The following FOXP2 variants were observed in gnomAD, a reference collection of about 807,000 sequenced individuals.
The protein encoded by FOXP2 is forkhead box P2, also known as forkhead box protein P2.
A neutral mutation model predicts 115.8 loss-of-function variants in FOXP2; 12 were observed. That is an observed-to-expected ratio of 0.10 (90% CI 0.07 to 0.17). The LOEUF is 0.17. Ranked by LOEUF, FOXP2 falls within the 10% of genes least tolerant of loss-of-function variation. The pLI, the probability that FOXP2 is intolerant of heterozygous loss-of-function variation, is 1.00. For synonymous variants in FOXP2, 328 were observed against 297.7 expected, an observed-to-expected ratio of 1.10 and a Z score of -1.05; for missense variants, 629 against 843.5, an observed-to-expected ratio of 0.75 and a Z score of 3.15.
At position 114,594,306 on chromosome 7, in the gene FOXP2, T is replaced by C. The variant is rs1056505328; in HGVS notation, c.259-34234T>C. ...CCTGTGGGGCTAATGAGAGGTTCTA[T>C]TTAGGTGAATAATCTGCATTGGGCT... On this transcript the variant is annotated intron_variant, in intron 3 of 16. Transcript: ENST00000350908. Among the ~76,000 whole-genome samples, 3 of 152,016 alleles carry C rather than the reference T, an allele frequency of 2.0e-5. 1 individual carries two copies. Among genetic ancestry groups the C allele is most frequent in the Admixed American group, 2.0e-4 (3 of 15,218 alleles).
chr7:114,168,838 G>A (rs1054672440), intron 1 of FOXP2, among the ~76,000 whole-genome samples: 2 of 152,170 alleles, frequency 1.3e-5, no homozygotes, highest in Non-Finnish European at 2.9e-5. Flanking sequence ...CCCATGCTGG[G>A]TGTAGCCTAG....
intron 1 of FOXP2, among the ~76,000 whole-genome samples, chr7:114,131,250 T>C (rs985334132): frequency 2.0e-5 from 3 of 152,184 alleles, no homozygotes; most frequent in Non-Finnish European, 4.4e-5. Context: ...TCTAATTATC[T>C]CCATCAGTAT....
intron 16 of FOXP2, among the ~76,000 whole-genome samples, chr7:114,683,728 G>A (rs973510898): frequency 3.3e-5 from 5 of 152,154 alleles, no homozygotes; most frequent in East Asian, 1.9e-4. Flanking sequence ...GTTGAAAGGG[G>A]AAACACAGCC....
At chr7:114,285,648 C>T (rs887036403) in intron 1 of FOXP2, among the ~76,000 whole-genome samples, 3 of 152,066 alleles carry the variant, frequency 2.0e-5, no homozygotes, top group African/African-American at 7.2e-5. Context: ...CTTATCAACA[C>T]TGCGCAGAAT....
chr7:114,495,598 C>T (rs1227650081), intron 2 of FOXP2, among the ~76,000 whole-genome samples: 2 of 147,168 alleles, frequency 1.4e-5, no homozygotes, highest in Non-Finnish European at 3.0e-5. Flanking sequence ...CTCTGCCTCC[C>T]ATATTCAAGC....
chr7:114,414,988 T>C lies in FOXP2; in HGVS notation c.-383T>C. ...TTTAGAAAGATTATGGTAAGCATGC[T>C]GGCTCAGTCTTGAACCTTTGTCACC... On this transcript the variant is annotated 5_prime_UTR_variant, in exon 1 of 17. Transcript: ENST00000350908. The C allele has an allele frequency of 4.6e-6, 2 of 434,310 alleles. No individual in the cohort carries two copies. Among genetic ancestry groups the C allele is most frequent in the South Asian group, 3.3e-5 (2 of 60,560 alleles). The allele number at this position is 434,310 out of a possible 1,614,324, so 26.9% of individuals were successfully genotyped here.
intron 2 of FOXP2, among the ~76,000 whole-genome samples, chr7:114,357,074 C>CT (rs1279158416): frequency 1.3e-5 from 2 of 152,066 alleles, no homozygotes; most frequent in Non-Finnish European, 2.9e-5. Flanking sequence ...GAGTATTGCT[C>CT]TTTTTTCTCT....
intron 1 of FOXP2, among the ~76,000 whole-genome samples, chr7:114,247,295 T>C (rs1795310381): frequency 6.6e-6 from 1 of 152,208 alleles, no homozygotes; most frequent in African/African-American, 2.4e-5. Context: ...TTTACCTGAG[T>C]ATCTCATTAT....
chr7:114,486,326 T>C (rs1347332431), intron 2 of FOXP2, among the ~76,000 whole-genome samples: 1 of 152,044 alleles, frequency 6.6e-6, no homozygotes, highest in African/African-American at 2.4e-5. Context: ...ATGAGACTTA[T>C]TCACTATTAC....
chr7:114,242,700 A>G (rs1305252640), intron 1 of FOXP2, among the ~76,000 whole-genome samples: 2 of 152,210 alleles, frequency 1.3e-5, no homozygotes, highest in Non-Finnish European at 2.9e-5. Flanking sequence ...CTCTCTAGAA[A>G]GAAATATGTA....
chr7:114,626,130 G>A (rs1804566692), intron 3 of FOXP2, among the ~76,000 whole-genome samples: 2 of 151,772 alleles, frequency 1.3e-5, no homozygotes, highest in South Asian at 4.1e-4. Flanking sequence ...TTATATTTAT[G>A]TCATAACTAT....
chr7:114,532,605 A>G (rs1799192957), intron 2 of FOXP2, among the ~76,000 whole-genome samples: 1 of 151,920 alleles, frequency 6.6e-6, no homozygotes, highest in African/African-American at 2.4e-5. Context: ...AGGAGGTCAG[A>G]TTAGATGATT....
In FOXP2 at chr7:114,318,921, T is replaced by C. The variant is rs1038697925; in HGVS notation, c.-11+30812T>C. ...TAAATATTCTAGTTTAGTGTAGTTA[T>C]ATTCTATATTCCAGTAATAGGAAAA... On this transcript the variant is annotated intron_variant, in intron 2 of 17. Transcript: ENST00000634411. 2.6e-5 allele frequency among the ~76,000 whole-genome samples: 4 copies of C among 152,288 alleles called. 1 individual carries two copies. The South Asian group carries it at 8.3e-4, about 32-fold the overall frequency.
At chr7:114,381,360 T>C (rs1306030477) in intron 2 of FOXP2, among the ~76,000 whole-genome samples, 1 of 152,116 alleles carries the variant, frequency 6.6e-6, no homozygotes, top group African/African-American at 2.4e-5. Flanking sequence ...TGGCACAAGA[T>C]TTCTGAATAG....
chr7:114,533,332 A>T (rs540078596), intron 2 of FOXP2, among the ~76,000 whole-genome samples: 1 of 151,938 alleles, frequency 6.6e-6, no homozygotes, highest in South Asian at 2.1e-4. Flanking sequence ...TTCATAATTG[A>T]TCAGGGGATG....
chr7:114,400,711 A>C (rs1017246196), intron 2 of FOXP2, among the ~76,000 whole-genome samples: 2 of 152,186 alleles, frequency 1.3e-5, no homozygotes, highest in Non-Finnish European at 2.9e-5. Context: ...TAGCATGCAC[A>C]GTTCACAATA....
chr7:114,629,942 ACAGCAGCAGCAGCAGCAACAG>A lies in FOXP2; in HGVS notation c.549_569del (p.Gln185_Gln191del), dbSNP rs1563045877. On this transcript the variant is annotated inframe_deletion, in exon 5 of 17. Transcript: ENST00000350908. ...AACAACAACAACAACAGCAGCAACAACAGCAGCAGCAGCAGCAACAGCAGCAGCAGCAGCAACAGCATCCTG... is the reference window on the plus strand; with the variant it reads ...AACAACAACAACAACAGCAGCAACAACAGCAGCAGCAGCAACAGCATCCTG... The A allele has an allele frequency of 1.2e-6, 2 of 1,608,822 alleles. No homozygotes were observed. Among genetic ancestry groups the A allele is most frequent in the Admixed American group, 1.7e-5 (1 of 59,332 alleles).
chr7:114,584,295 T>A (rs1392376820), intron 3 of FOXP2, among the ~76,000 whole-genome samples: 2 of 152,222 alleles, frequency 1.3e-5, no homozygotes, highest in East Asian at 3.9e-4. Flanking sequence ...TGAATGAACT[T>A]ATCTGCCTTG....
chr7:114,288,336 T>C (rs1260483838), intron 2 of FOXP2, among the ~76,000 whole-genome samples: 1 of 151,896 alleles, frequency 6.6e-6, no homozygotes, highest in African/African-American at 2.4e-5. Context: ...TTAAACTTGG[T>C]ATCACTTTTT....
Sources: gnomAD v4.1 joint callset for allele counts (sites outside exome capture counted in the v4.1 genomes callset) on GRCh38, gnomAD v4.1.1 for gene constraint, MANE v1.5 for transcripts, NCBI Gene and HGNC (gene_info 2026-07-23, HGNC 2026-07-21) for gene names.